PCCA: variants seen among roughly 807,000 people sequenced by gnomAD.
PCCA encodes propionyl-CoA carboxylase alpha chain, mitochondrial.
In PCCA, 74 loss-of-function variants were observed where a neutral mutation model predicts 101.3. The observed-to-expected ratio is 0.73, with a 90% CI of 0.61 to 0.89. The LOEUF (loss-of-function observed/expected upper bound fraction) is 0.89. Among genes scored for constraint, PCCA ranks in the 40% least tolerant of loss-of-function variants. The pLI is 0.00. For synonymous variants in PCCA, 294 were observed against 313.6 expected (o/e 0.94, Z 0.66); for missense variants, 891 against 907.0 (o/e 0.98, Z 0.23).
At chr13:100,119,635 G>C (rs1388942714) in intron 4 of PCCA, among the ~76,000 whole-genome samples, 1 of 152,010 alleles carries the variant, frequency 6.6e-6, no homozygotes, top group Non-Finnish European at 1.5e-5. Flanking sequence ...TACGAGCATA[G>C]GGTTTATCCT....
chr13:100,505,465 G>C (rs2085995030), intron 21 of PCCA, among the ~76,000 whole-genome samples: 1 of 152,228 alleles, frequency 6.6e-6, no homozygotes, highest in Non-Finnish European at 1.5e-5. Flanking sequence ...TGTGATGTTT[G>C]AAGAATGTAA....
chr13:100,299,640 CTT>C (rs930261847), intron 12 of PCCA, among the ~76,000 whole-genome samples: 6 of 152,102 alleles, frequency 3.9e-5, no homozygotes, highest in African/African-American at 1.4e-4. Flanking sequence ...GTTCACTTAA[CTT>C]TTGAAATTGT....
At chr13:100,438,750 C>T (rs768186467) in intron 20 of PCCA, among the ~76,000 whole-genome samples, 15 of 151,514 alleles carry the variant, frequency 9.9e-5, no homozygotes, top group African/African-American at 3.2e-4. Context: ...CACCCTTTAC[C>T]AACAAATTGA....
intron 12 of PCCA, among the ~76,000 whole-genome samples, chr13:100,287,013 A>G (rs2064729682): frequency 6.6e-6 from 1 of 152,140 alleles, no homozygotes; most frequent in Non-Finnish European, 1.5e-5. Context: ...TTCATCTTTA[A>G]TGGTGAAATC....
At chr13:100,401,697 C>T (rs796955892) in intron 19 of PCCA, among the ~76,000 whole-genome samples, 1 of 152,036 alleles carries the variant, frequency 6.6e-6, no homozygotes, top group Non-Finnish European at 1.5e-5. Context: ...GTTCTGTGTA[C>T]AATTTCTGGT....
intron 14 of PCCA, among the ~76,000 whole-genome samples, chr13:100,303,802 G>A (rs542340505): frequency 6.0e-4 from 91 of 152,074 alleles, no homozygotes; most frequent in Admixed American, 1.8e-3. Flanking sequence ...TTTTGCCCAT[G>A]TGCTTTCTAA....
At position 100,527,304 on chromosome 13, in the gene PCCA, C is replaced by T. The variant is rs779019978; in HGVS notation, c.2041-371C>T. The T allele has an allele frequency of 4.3e-4, 202 of 475,022 alleles. 2 individuals are homozygous for T. Among genetic ancestry groups the T allele is most frequent in the East Asian group, 2.7e-4 (4 of 14,748 alleles). 29.4% of individuals were successfully genotyped at this position (475,022 alleles called of 1,614,324 possible). A position where few individuals can be genotyped will look rare whatever the true frequency, so the allele number is the denominator to read the frequency against. ...TTCCCTCTTCAACCCCAGGCAACCT[C>T]GAGTCTGTCTGTAGAGATCTGCCTA... On this transcript the variant is annotated intron_variant, in intron 22 of 23. Coordinates refer to ENST00000376285, the MANE Select transcript of PCCA (RefSeq NM_000282.4).
At chr13:100,418,833 CAAA>C (rs5806159) in intron 19 of PCCA, among the ~76,000 whole-genome samples, 1 of 134,978 alleles carries the variant, frequency 7.4e-6, no homozygotes, top group Admixed American at 7.5e-5. Context: ...GACTCCACCT[CAAA>C]AAAAAAAAAG....
At chr13:100,183,294 A>G (rs1449031858) in intron 6 of PCCA, among the ~76,000 whole-genome samples, 1 of 152,198 alleles carries the variant, frequency 6.6e-6, no homozygotes, top group Non-Finnish European at 1.5e-5. Flanking sequence ...GTTACAAAGT[A>G]CAGAAGACAG....
intron 22 of PCCA, among the ~76,000 whole-genome samples, chr13:100,521,373 A>C (rs1412844432): frequency 6.6e-6 from 1 of 152,100 alleles, no homozygotes; most frequent in Non-Finnish European, 1.5e-5. Flanking sequence ...CGCCCTCCAG[A>C]GTGAGGCCGC....
At chr13:100,426,359 G>GAAA (rs397940109) in intron 20 of PCCA, among the ~76,000 whole-genome samples, 1 of 141,436 alleles carries the variant, frequency 7.1e-6, no homozygotes, top group African/African-American at 2.5e-5. Flanking sequence ...AGCGTTTTAG[G>GAAA]AAAAAAAAAA....
chr13:100,239,076 C>T (rs1299544125), intron 8 of PCCA, among the ~76,000 whole-genome samples: 2 of 152,194 alleles, frequency 1.3e-5, no homozygotes, highest in African/African-American at 4.8e-5. Context: ...AGGAAACTCA[C>T]TGTATTGAGC....
intron 20 of PCCA, among the ~76,000 whole-genome samples, chr13:100,436,414 A>G (rs1036812983): frequency 5.3e-5 from 8 of 152,228 alleles, no homozygotes; most frequent in African/African-American, 9.6e-5. Flanking sequence ...CCCACAGTCA[A>G]TCTGATTTTC....
intron 19 of PCCA, among the ~76,000 whole-genome samples, chr13:100,404,741 G>T (rs1243376848): frequency 6.6e-6 from 1 of 152,154 alleles, no homozygotes; most frequent in Non-Finnish European, 1.5e-5. Context: ...GGCCTAGGGG[G>T]TGAGAATCAT....
chr13:100,317,937 G>C (rs774516473), intron 16 of PCCA, among the ~76,000 whole-genome samples: 2 of 151,962 alleles, frequency 1.3e-5, no homozygotes, highest in Admixed American at 1.3e-4. Context: ...CTGAATATCC[G>C]TCAAGTCCAG....
At chr13:100,289,718 T>A (rs1766428582) in intron 12 of PCCA, among the ~76,000 whole-genome samples, 1 of 152,208 alleles carries the variant, frequency 6.6e-6, no homozygotes, top group South Asian at 2.1e-4. Flanking sequence ...TTCTCTGTCA[T>A]TTGTAAAGAT....
At chr13:100,289,545 T>C (rs1256680494) in intron 12 of PCCA, among the ~76,000 whole-genome samples, 1 of 151,968 alleles carries the variant, frequency 6.6e-6, no homozygotes, top group Non-Finnish European at 1.5e-5. Flanking sequence ...TATTTTATCT[T>C]ATATTTAAAA....
At chr13:100,503,636 G>C (rs927706262) in intron 21 of PCCA, among the ~76,000 whole-genome samples, 1 of 152,142 alleles carries the variant, frequency 6.6e-6, no homozygotes, top group Non-Finnish European at 1.5e-5. Flanking sequence ...GGGCACAGTG[G>C]CTTATGCCTG....
chr13:100,390,845 G>T (rs1012042241), intron 19 of PCCA, among the ~76,000 whole-genome samples: 3 of 152,218 alleles, frequency 2.0e-5, no homozygotes, highest in Non-Finnish European at 2.9e-5. Context: ...ATGCGGACAA[G>T]TGGAGTGAAT....
Sources: allele counts gnomAD v4.1 joint callset (sites outside exome capture counted in the v4.1 genomes callset), GRCh38; gene constraint gnomAD v4.1.1; transcripts MANE v1.5; gene names NCBI Gene and HGNC (gene_info 2026-07-23, HGNC 2026-07-21).